NR3C2: variants seen among roughly 807,000 people sequenced by gnomAD.
NR3C2 encodes the protein mineralocorticoid receptor.
Under a neutral mutation model 86.4 loss-of-function variants are expected in NR3C2, and 15 were observed. That is an observed-to-expected ratio of 0.17 (90% CI 0.12 to 0.27). The LOEUF is 0.27. NR3C2 is among the 10% of genes least tolerant of loss of function. The pLI, the probability that NR3C2 is intolerant of heterozygous loss-of-function variation, is 1.00. For synonymous variants in NR3C2, 458 were observed against 450.5 expected (o/e 1.02, Z -0.21); for missense variants, 960 against 1,195.6 (o/e 0.80, Z 2.91).
intron 2 of NR3C2, among the ~76,000 whole-genome samples, chr4:148,346,579 A>G (rs1196993880): frequency 2.0e-5 from 3 of 152,088 alleles, no homozygotes; most frequent in Non-Finnish European, 2.9e-5. Context: ...CCACTGTGGT[A>G]GCCACTAGCC....
chr4:148,118,849 T>C (rs1224056752), intron 7 of NR3C2, among the ~76,000 whole-genome samples: 1 of 152,130 alleles, frequency 6.6e-6, no homozygotes, highest in East Asian at 1.9e-4. Flanking sequence ...AACTCTACAA[T>C]GTTTCTGGAC....
chr4:148,395,867 T>C (rs1487649590), intron 2 of NR3C2, among the ~76,000 whole-genome samples: 1 of 152,212 alleles, frequency 6.6e-6, no homozygotes, highest in Non-Finnish European at 1.5e-5. Context: ...TCAAGTAAAA[T>C]GATTGACCAT....
chr4:148,164,864 A>C (rs1293059827), intron 4 of NR3C2, among the ~76,000 whole-genome samples: 1 of 152,210 alleles, frequency 6.6e-6, no homozygotes, highest in Non-Finnish European at 1.5e-5. Context: ...TTAGTTTACT[A>C]GGCCTTCCCA....
At chr4:148,405,979 G>A (rs934843015) in intron 2 of NR3C2, among the ~76,000 whole-genome samples, 1 of 152,080 alleles carries the variant, frequency 6.6e-6, no homozygotes, top group Non-Finnish European at 1.5e-5. Context: ...CTCTGTCTCT[G>A]CAAAGGGTTT....
chr4:148,437,468 T>G (rs747665162), intron 1 of NR3C2, among the ~76,000 whole-genome samples: 5 of 152,244 alleles, frequency 3.3e-5, no homozygotes, highest in Non-Finnish European at 7.3e-5. Context: ...AAAGTAAGAC[T>G]CTCTTTAGAT....
chr4:148,101,873 ACT>A (rs1215435086), intron 8 of NR3C2, among the ~76,000 whole-genome samples: 3 of 108,558 alleles, frequency 2.8e-5, no homozygotes, highest in African/African-American at 1.1e-4. Context: ...GCTGGACAAC[ACT>A]CTCAATATTA....
intron 2 of NR3C2, among the ~76,000 whole-genome samples, chr4:148,424,437 T>C (rs568237888): frequency 6.6e-6 from 1 of 152,310 alleles, no homozygotes; most frequent in East Asian, 1.9e-4. Context: ...CACTCCTAGG[T>C]TTTTACTGAA....
chr4:148,384,999 G>A (rs1198771076), intron 2 of NR3C2, among the ~76,000 whole-genome samples: 1 of 152,156 alleles, frequency 6.6e-6, no homozygotes, highest in Non-Finnish European at 1.5e-5. Context: ...ATCTTCCCAT[G>A]TCCATTTTGT....
At chr4:148,091,663 C>A (rs1480783160) in intron 8 of NR3C2, among the ~76,000 whole-genome samples, 1 of 152,170 alleles carries the variant, frequency 6.6e-6, no homozygotes, top group African/African-American at 2.4e-5. Flanking sequence ...CTCCTGGGTA[C>A]CAGCCTGATG....
intron 3 of NR3C2, among the ~76,000 whole-genome samples, chr4:148,242,726 C>T (rs182002670): frequency 3.9e-5 from 6 of 152,244 alleles, no homozygotes; most frequent in Admixed American, 3.9e-4. Flanking sequence ...TTAACCAATG[C>T]AAATGTATCA....
intron 2 of NR3C2, among the ~76,000 whole-genome samples, chr4:148,314,490 ATCTTACATTTATATTTTAC>A: frequency 6.6e-6 from 1 of 152,272 alleles, no homozygotes; most frequent in South Asian, 2.1e-4. Flanking sequence ...GTAAAATTAT[ATCTTACATTTATATTTTAC>A]AATATATACA....
chr4:148,351,241 G>A (rs967318573), intron 2 of NR3C2, among the ~76,000 whole-genome samples: 7 of 152,128 alleles, frequency 4.6e-5, no homozygotes, highest in African/African-American at 1.7e-4. Flanking sequence ...CATCTCCCAG[G>A]TTCAAGCAAT....
chr4:148,363,504 CTCTT>C (rs1002157465), intron 2 of NR3C2, among the ~76,000 whole-genome samples: 2 of 69,880 alleles, frequency 2.9e-5, no homozygotes, highest in African/African-American at 1.2e-4. Flanking sequence ...TCTCATAGAT[CTCTT>C]TTTTTTTTTT....
intron 2 of NR3C2, among the ~76,000 whole-genome samples, chr4:148,372,529 A>G (rs1746469933): frequency 6.6e-6 from 1 of 152,156 alleles, no homozygotes; most frequent in African/African-American, 2.4e-5. Context: ...TCAAATTGTG[A>G]GAAAAACATT....
Position 148,435,977 on chromosome 4 carries a change from G to C in NR3C2, c.884C>G (p.Ser295Cys). Reference sequence around the variant, plus strand: ...AATATTTGCAGGGCTAGACACAGAGGATCTCAGAGTGACATTATTGGGACT... The same window carrying C: ...AATATTTGCAGGGCTAGACACAGAGCATCTCAGAGTGACATTATTGGGACT... ...VSSPNNVTLR[S>C]SVSSPANINN... Residue 295 changes from serine (S) to cysteine (C), a missense_variant, in exon 2 of 9, where the codon TCC becomes TGC. This residue lies in a region of NR3C2 where 680 missense variants were observed against 719.0 expected (regional missense o/e 0.95). Transcript: ENST00000358102. The C allele has an allele frequency of 6.2e-7, 1 of 1,614,202 alleles. No individual in the cohort carries two copies. Among genetic ancestry groups the C allele is most frequent in the Non-Finnish European group, 8.5e-7 (1 of 1,180,026 alleles).
At chr4:148,401,633 T>A (rs1579255195) in intron 2 of NR3C2, among the ~76,000 whole-genome samples, 1 of 151,946 alleles carries the variant, frequency 6.6e-6, no homozygotes, top group East Asian at 1.9e-4. Flanking sequence ...CCGGCTAATT[T>A]TTGTATTTTT....
At chr4:148,314,519 A>G (rs1052758300) in intron 2 of NR3C2, among the ~76,000 whole-genome samples, 1 of 152,196 alleles carries the variant, frequency 6.6e-6, no homozygotes, top group Non-Finnish European at 1.5e-5. Flanking sequence ...CAATATATAC[A>G]GTAATGAAAA....
At position 148,293,901 on chromosome 4, in the gene NR3C2, C is replaced by T. The variant is rs144759938; in HGVS notation, c.1758-33784G>A. On this transcript the variant is annotated intron_variant, in intron 2 of 8. Coordinates refer to ENST00000358102, the MANE Select transcript of NR3C2 (RefSeq NM_000901.5). ...ATACATGACCACGGTTTGTTGGGTGCCTATAATTTGCTCTTTGCATCAGAG... is the reference window on the plus strand; with the variant it reads ...ATACATGACCACGGTTTGTTGGGTGTCTATAATTTGCTCTTTGCATCAGAG... 4.0e-3 allele frequency among the ~76,000 whole-genome samples: 614 copies of T among 152,260 alleles called. 2 individuals are homozygous for T. The highest frequency in any genetic ancestry group is 6.5e-3 in the Non-Finnish European group (440 of 68,020).
Position 148,439,968 on chromosome 4 carries a change from T to A in NR3C2, c.-3+2192A>T, listed in dbSNP as rs116641209. Among the ~76,000 whole-genome samples, 1,344 of 152,316 alleles carry A rather than the reference T, an allele frequency of 8.8e-3. 9 individuals carry two copies. Among genetic ancestry groups the A allele is most frequent in the East Asian group, 0.034 (177 of 5,178 alleles). Reference sequence around the variant, plus strand: ...AAGTCCTGTTTGGCTAACCTTGAACTCCCTTAATAACATAAAATAGGCTGT... The same window carrying A: ...AAGTCCTGTTTGGCTAACCTTGAACACCCTTAATAACATAAAATAGGCTGT... On this transcript the variant is annotated intron_variant, in intron 1 of 8. Transcript: ENST00000358102.
Sources: allele counts gnomAD v4.1 joint callset (sites outside exome capture counted in the v4.1 genomes callset), GRCh38; gene constraint gnomAD v4.1.1; regional missense constraint gnomAD v4.1.1; transcripts MANE v1.5; gene names NCBI Gene and HGNC (gene_info 2026-07-23, HGNC 2026-07-21).